Variants in ACYP2 observed in about 807,000 individuals in gnomAD.
ACYP2 encodes the protein acylphosphatase-2.
Under a neutral mutation model 11.2 loss-of-function variants are expected in ACYP2, and 12 were observed. The ratio of observed to expected loss-of-function variants is 1.08; its 90% CI spans 0.69 to 1.74. The LOEUF (loss-of-function observed/expected upper bound fraction) is 1.74, where lower values mean the gene tolerates loss of function less well. Among genes scored for constraint, ACYP2 ranks in the 40% most tolerant of loss-of-function variants. The pLI, the probability that ACYP2 is intolerant of heterozygous loss-of-function variation, is 0.00. For missense variants in ACYP2, 134 were observed against 101.9 expected, an observed-to-expected ratio of 1.31 and a Z score of -1.35; for synonymous variants, 43 against 32.2, an observed-to-expected ratio of 1.33 and a Z score of -1.13.
At chr2:54,298,674 A>G (rs1689611773) in intron 6 of ACYP2, among the ~76,000 whole-genome samples, 1 of 152,244 alleles carries the variant, frequency 6.6e-6, no homozygotes, top group South Asian at 2.1e-4. Context: ...AAAAGCACTG[A>G]TTCCAAATCT....
At chr2:53,988,772 G>A (rs995523929) in intron 2 of ACYP2, among the ~76,000 whole-genome samples, 1 of 151,234 alleles carries the variant, frequency 6.6e-6, no homozygotes, top group African/African-American at 2.4e-5. Context: ...TTGAGACAGA[G>A]TCTCACTCTG....
intron 6 of ACYP2, among the ~76,000 whole-genome samples, chr2:54,298,259 A>T (rs569075865): frequency 6.6e-6 from 1 of 152,346 alleles, no homozygotes; most frequent in South Asian, 2.1e-4. Flanking sequence ...ATTATTTAGT[A>T]AAAGATGCAG....
At chr2:54,104,207 G>A (rs1384516874) in intron 4 of ACYP2, among the ~76,000 whole-genome samples, 1 of 152,126 alleles carries the variant, frequency 6.6e-6, no homozygotes, top group Non-Finnish European at 1.5e-5. Flanking sequence ...GCCTGGTGTG[G>A]GACAAGAGTA....
chr2:54,029,022 A>T (rs1465092722), intron 2 of ACYP2, among the ~76,000 whole-genome samples: 1 of 152,106 alleles, frequency 6.6e-6, no homozygotes, highest in East Asian at 1.9e-4. Flanking sequence ...AAAATTAGCC[A>T]GGTATGGTGG....
intron 2 of ACYP2, among the ~76,000 whole-genome samples, chr2:54,043,433 G>A (rs1331687011): frequency 6.6e-6 from 1 of 152,184 alleles, no homozygotes. Flanking sequence ...ACTGACAGAT[G>A]TGTGGAACAG....
intron 4 of ACYP2, among the ~76,000 whole-genome samples, chr2:54,070,285 A>G (rs1025903821): frequency 3.8e-4 from 58 of 151,946 alleles, no homozygotes; most frequent in East Asian, 5.8e-4. Context: ...AAAAAAAAAA[A>G]AAAGAAAGAA....
chr2:54,104,893 G>C (rs1679075469), intron 4 of ACYP2, among the ~76,000 whole-genome samples: 1 of 152,132 alleles, frequency 6.6e-6, no homozygotes, highest in Non-Finnish European at 1.5e-5. Flanking sequence ...ACAAAAAGTG[G>C]GGTCTAGTCA....
intron 5 of ACYP2, among the ~76,000 whole-genome samples, chr2:54,136,561 C>T (rs1257342438): frequency 1.3e-5 from 2 of 152,146 alleles, no homozygotes; most frequent in Admixed American, 6.5e-5. Flanking sequence ...ATTTTCAGGG[C>T]CACGTCTTAC....
intron 4 of ACYP2, among the ~76,000 whole-genome samples, chr2:54,077,844 C>T (rs1168531077): frequency 6.6e-6 from 1 of 152,202 alleles, no homozygotes; most frequent in Admixed American, 6.5e-5. Context: ...GTGCTCATTC[C>T]ATTGAACCAC....
intron 4 of ACYP2, among the ~76,000 whole-genome samples, chr2:54,070,862 T>A (rs1384034108): frequency 6.6e-6 from 1 of 151,888 alleles, no homozygotes; most frequent in Non-Finnish European, 1.5e-5. Flanking sequence ...TCAGCCTGCC[T>A]GGTAGCTCTA....
At chr2:54,274,881 G>T (rs1441350817) in intron 6 of ACYP2, among the ~76,000 whole-genome samples, 2 of 152,160 alleles carry the variant, frequency 1.3e-5, no homozygotes, top group African/African-American at 4.8e-5. Context: ...TGATGTAATA[G>T]CAGCTGCAGT....
chr2:54,036,297 G>A (rs998589337), intron 2 of ACYP2, among the ~76,000 whole-genome samples: 2 of 152,162 alleles, frequency 1.3e-5, no homozygotes, highest in Non-Finnish European at 2.9e-5. Context: ...GTTTCACCAT[G>A]TTGGCAGGCT....
Position 54,221,623 on chromosome 2 carries a change from C to T in ACYP2, c.404+82875C>T, listed in dbSNP as rs180713574. On this transcript the variant is annotated intron_variant, in intron 6 of 6. Coordinates refer to ENST00000607452, the MANE Select transcript of ACYP2 (RefSeq NM_001320586.2). Reference sequence around the variant, plus strand: ...GTAACCTCTGCTTCCCAGGTTCAAGCGATTCTCCTGCCTCAGCCTCCTGAG... The same window carrying T: ...GTAACCTCTGCTTCCCAGGTTCAAGTGATTCTCCTGCCTCAGCCTCCTGAG... Among the ~76,000 whole-genome samples, 67 of 150,318 alleles carry T rather than the reference C, an allele frequency of 4.5e-4. 2 individuals carry two copies. The highest frequency in any genetic ancestry group is 1.6e-3 in the African/African-American group (65 of 40,748).
chr2:54,247,526 CTTATATTCATTT>C (rs1687014390), intron 6 of ACYP2, among the ~76,000 whole-genome samples: 3 of 152,066 alleles, frequency 2.0e-5, no homozygotes, highest in Non-Finnish European at 4.4e-5. Context: ...ACTACTGTAT[CTTATATTCATTT>C]GTAGGTGGTA....
intron 6 of ACYP2, among the ~76,000 whole-genome samples, chr2:54,209,206 C>T (rs1160018248): frequency 6.6e-6 from 1 of 152,002 alleles, no homozygotes; most frequent in Non-Finnish European, 1.5e-5. Context: ...TTAAATAATG[C>T]ATTTTTAATA....
chr2:54,102,591 G>A (rs1678952203), intron 4 of ACYP2, among the ~76,000 whole-genome samples: 1 of 123,454 alleles, frequency 8.1e-6, no homozygotes, highest in South Asian at 2.5e-4. Flanking sequence ...ATTAATCAGA[G>A]CTCATTTAAG....
chr2:54,298,927 T>C (rs1689620456), intron 6 of ACYP2, among the ~76,000 whole-genome samples: 1 of 152,170 alleles, frequency 6.6e-6, no homozygotes, highest in East Asian at 1.9e-4. Flanking sequence ...ACTTTTTTTA[T>C]TTTTTGGCAG....
intron 6 of ACYP2, chr2:54,255,992 G>C (rs763067134): frequency 5.0e-6 from 8 of 1,614,074 alleles, no homozygotes; most frequent in Non-Finnish European, 5.1e-6. Context: ...TCCTCTGGAA[G>C]CCGGGGCGGT....
chr2:54,244,283 C>A (rs1357451181), intron 6 of ACYP2, among the ~76,000 whole-genome samples: 1 of 152,158 alleles, frequency 6.6e-6, no homozygotes, highest in South Asian at 2.1e-4. Flanking sequence ...TTCACTGCAA[C>A]CTCCGCCTCC....
Sources: gnomAD v4.1 joint callset for allele counts (sites outside exome capture counted in the v4.1 genomes callset) on GRCh38, gnomAD v4.1.1 for gene constraint, MANE v1.5 for transcripts, NCBI Gene and HGNC (gene_info 2026-07-23, HGNC 2026-07-21) for gene names.